Variants in ATP11C observed in about 807,000 individuals in gnomAD.
The protein encoded by ATP11C is ATPase phospholipid transporting 11C (ATP11C blood group), also known as phospholipid-transporting ATPase IG.
In ATP11C, 36 loss-of-function variants were observed where a neutral mutation model predicts 97.4. That is an observed-to-expected ratio of 0.37 (90% confidence interval 0.28 to 0.49). The LOEUF (loss-of-function observed/expected upper bound fraction) is 0.49. ATP11C is among the 20% of genes least tolerant of loss of function. The pLI is 0.98. For synonymous variants in ATP11C, 275 were observed against 290.9 expected (o/e 0.95, Z 0.56); for missense variants, 730 against 824.6 (o/e 0.89, Z 1.40).
At chrX:139,763,023 G>C (rs181953315) in intron 21 of ATP11C, among the ~76,000 whole-genome samples, 1 of 112,358 alleles carries the variant, frequency 8.9e-6, no homozygotes, top group Non-Finnish European at 1.9e-5. Flanking sequence ...TGCTGTCAAA[G>C]TAAGAGCTAA....
intron 24 of ATP11C, among the ~76,000 whole-genome samples, chrX:139,746,689 T>G (rs1275997886): frequency 8.9e-6 from 1 of 111,801 alleles, no homozygotes; most frequent in Non-Finnish European, 1.9e-5. Context: ...GGGAGGTGGA[T>G]AGATTAAGTT....
At chrX:139,741,358 A>AT (rs201731295) in intron 26 of ATP11C, among the ~76,000 whole-genome samples, 1,171 of 110,768 alleles carry the variant, frequency 0.011, 11 homozygotes, top group Admixed American at 0.051. Flanking sequence ...AGGGCTGCAG[A>AT]TATCTCAGTA....
At chrX:139,813,516 C>A in intron 5 of ATP11C, among the ~76,000 whole-genome samples, 1 of 112,125 alleles carries the variant, frequency 8.9e-6, no homozygotes, top group East Asian at 2.8e-4. Flanking sequence ...TCGGAGGCAA[C>A]TAAAATGCCC....
chrX:139,820,990 T>G (rs1366396521), intron 2 of ATP11C, among the ~76,000 whole-genome samples: 1 of 111,419 alleles, frequency 9.0e-6, no homozygotes, highest in Admixed American at 9.6e-5. Context: ...CCCAATTATC[T>G]GTATAATATG....
chrX:139,896,466 G>A (rs769133307), intron 1 of ATP11C, among the ~76,000 whole-genome samples: 1 of 109,610 alleles, frequency 9.1e-6, no homozygotes, highest in African/African-American at 3.3e-5. Flanking sequence ...TGGTGACCTA[G>A]ATGGGATCCT....
chrX:139,887,821 A>G (rs1284661180), intron 1 of ATP11C, among the ~76,000 whole-genome samples: 1 of 109,201 alleles, frequency 9.2e-6, no homozygotes, highest in African/African-American at 3.3e-5. Context: ...AATACAAAAA[A>G]TTAGCTAGGC....
At chrX:139,754,615 A>G (rs1484813245) in intron 23 of ATP11C, among the ~76,000 whole-genome samples, 1 of 112,159 alleles carries the variant, frequency 8.9e-6, no homozygotes, top group East Asian at 2.8e-4. Context: ...ATACTAGCAA[A>G]CTGAAACCAG....
intron 24 of ATP11C, among the ~76,000 whole-genome samples, chrX:139,748,331 C>T (rs1314669962): frequency 9.2e-6 from 1 of 109,230 alleles, no homozygotes; most frequent in Non-Finnish European, 1.9e-5. Context: ...GGCTTTCAGC[C>T]CAGGTGTTAG....
intron 2 of ATP11C, among the ~76,000 whole-genome samples, chrX:139,824,646 C>A (rs2083487134): frequency 9.0e-6 from 1 of 111,336 alleles, no homozygotes; most frequent in African/African-American, 3.3e-5. Flanking sequence ...AAGATCGCGC[C>A]ACTGAACTCC....
intron 1 of ATP11C, among the ~76,000 whole-genome samples, chrX:139,907,605 G>A (rs766038452): frequency 2.7e-5 from 3 of 109,971 alleles, no homozygotes; most frequent in East Asian, 2.9e-4. Flanking sequence ...AAAATTAGCC[G>A]GGCATGGTGG....
rs866703476 is a variant in ATP11C, at chrX:139,852,472, G to C, written c.28-25649C>G. Among the ~76,000 whole-genome samples, 16 of 24,851 alleles carry C rather than the reference G, an allele frequency of 6.4e-4. 1 individual carries two copies. In the South Asian group the frequency reaches 0.014, roughly 21 times the overall value. The allele number at this position is 24,851 out of a possible 115,157, so 21.6% of individuals were successfully genotyped here. A position where few individuals can be genotyped will look rare whatever the true frequency, so the allele number is the denominator to read the frequency against. On this transcript the variant is annotated intron_variant, in intron 1 of 29. Coordinates refer to ENST00000682941, the MANE Select transcript of ATP11C (RefSeq NM_001353812.2). The stretch of plus-strand genomic sequence containing the variant: ...CAATGCGGGGGGGGGGGGGGGGGGG[G>C]GGGGGGGGGAACTGGCCAGCGACCT...
chrX:139,782,044 T>C (rs1195822140), intron 18 of ATP11C, among the ~76,000 whole-genome samples: 1 of 112,046 alleles, frequency 8.9e-6, no homozygotes, highest in Non-Finnish European at 1.9e-5. Flanking sequence ...TCATTCCTAC[T>C]GGCTGGGTGT....
At chrX:139,837,655 A>G (rs963038679) in intron 1 of ATP11C, among the ~76,000 whole-genome samples, 2 of 112,517 alleles carry the variant, frequency 1.8e-5, no homozygotes, top group South Asian at 3.7e-4. Context: ...GCAGAACCCA[A>G]TGAAATATAG....
intron 3 of ATP11C, among the ~76,000 whole-genome samples, chrX:139,817,960 C>T (rs1206916015): frequency 9.0e-6 from 1 of 111,405 alleles, no homozygotes; most frequent in African/African-American, 3.3e-5. Context: ...TCATCTCCAA[C>T]CCTCAACAAG....
intron 8 of ATP11C, 21 bp from the exon 9 acceptor site, chrX:139,798,764 G>A (rs761149081): frequency 2.6e-6 from 3 of 1,173,832 alleles, no homozygotes; most frequent in Admixed American, 2.3e-5. Flanking sequence ...AATGAACACA[G>A]CTTATCCAAA....
intron 23 of ATP11C, among the ~76,000 whole-genome samples, chrX:139,752,255 T>A (rs189987152): frequency 1.7e-4 from 19 of 111,644 alleles, no homozygotes; most frequent in Non-Finnish European, 1.3e-4. Context: ...ATAGCATGTA[T>A]CAGTACCCAA....
At chrX:139,843,361 C>T (rs990883677) in intron 1 of ATP11C, among the ~76,000 whole-genome samples, 1 of 111,779 alleles carries the variant, frequency 8.9e-6, no homozygotes, top group Non-Finnish European at 1.9e-5. Flanking sequence ...ATTAAACAGG[C>T]CTAGCCCCAA....
chrX:139,919,444 A>AACACACACACACAC (rs370999462), intron 1 of ATP11C, among the ~76,000 whole-genome samples: 17 of 73,951 alleles, frequency 2.3e-4, no homozygotes, highest in African/African-American at 5.0e-4. Flanking sequence ...CTCAAACTTA[A>AACACACACACACAC]ACACACACAC....
intron 1 of ATP11C, among the ~76,000 whole-genome samples, chrX:139,848,751 C>T (rs1034367156): frequency 1.8e-5 from 2 of 111,203 alleles, no homozygotes; most frequent in Non-Finnish European, 3.8e-5. Flanking sequence ...TCTCTGAACA[C>T]CATATTGATT....
Sources: allele counts gnomAD v4.1 joint callset (sites outside exome capture counted in the v4.1 genomes callset), GRCh38; gene constraint gnomAD v4.1.1; transcripts MANE v1.5; gene names NCBI Gene and HGNC (gene_info 2026-07-23, HGNC 2026-07-21).